ESR1: variants seen among roughly 807,000 people sequenced by gnomAD.
ESR1 encodes estrogen receptor.
A neutral mutation model predicts 52.7 loss-of-function variants in ESR1; 12 were observed. The ratio of observed to expected loss-of-function variants is 0.23; its 90% CI spans 0.15 to 0.37. The LOEUF (loss-of-function observed/expected upper bound fraction) is 0.37. Among genes scored for constraint, ESR1 ranks in the 10% least tolerant of loss-of-function variants. ESR1 has a pLI of 1.00. For synonymous variants in ESR1, 305 were observed against 316.8 expected (o/e 0.96, Z 0.39); for missense variants, 584 against 779.7 (o/e 0.75, Z 2.99).
intron 3 of ESR1, among the ~76,000 whole-genome samples, chr6:151,910,374 A>G (rs1167905368): frequency 2.0e-5 from 3 of 152,378 alleles, no homozygotes; most frequent in African/African-American, 7.2e-5. Context: ...ATTAACAATT[A>G]TAAATATATG....
chr6:151,946,156 A>T (rs1001491417), intron 4 of ESR1, among the ~76,000 whole-genome samples: 1 of 152,196 alleles, frequency 6.6e-6, no homozygotes, highest in Non-Finnish European at 1.5e-5. Flanking sequence ...TTCTTATATT[A>T]TAGGGAAAGA....
At chr6:151,990,648 C>CT (rs1459776813) in intron 4 of ESR1, among the ~76,000 whole-genome samples, 1 of 152,172 alleles carries the variant, frequency 6.6e-6, no homozygotes, top group Non-Finnish European at 1.5e-5. Context: ...AATGCAGCCT[C>CT]TGGATAAGAA....
rs545000767 is a variant in ESR1, at chr6:151,909,309, G to C, written c.760+28538G>C. On this transcript the variant is annotated intron_variant, in intron 3 of 7. Transcript: ENST00000206249. ...AGAGTAGAGATGTTTTAGTGAACTAGGCCATGACTTGGGGAGTCTCCACCT... is the reference window on the plus strand; with the variant it reads ...AGAGTAGAGATGTTTTAGTGAACTACGCCATGACTTGGGGAGTCTCCACCT... Among the ~76,000 whole-genome samples the C allele has an allele frequency of 1.4e-4, 21 of 152,326 alleles. 1 individual carries two copies. In the South Asian group the frequency reaches 3.9e-3, roughly 29 times the overall value.
intron 2 of ESR1, among the ~76,000 whole-genome samples, chr6:151,789,942 T>C (rs534486361): frequency 1.3e-5 from 2 of 152,174 alleles, no homozygotes; most frequent in Admixed American, 6.5e-5. Context: ...CTAAGGAACG[T>C]TGGCGTGAGT....
chr6:151,937,664 C>T (rs944069136), intron 3 of ESR1, among the ~76,000 whole-genome samples: 20 of 152,096 alleles, frequency 1.3e-4, no homozygotes, highest in African/African-American at 4.8e-5. Flanking sequence ...TTTATAGCTC[C>T]TTGACCTGAA....
intron 5 of ESR1, among the ~76,000 whole-genome samples, chr6:152,040,177 A>G (rs2045667558): frequency 6.6e-6 from 1 of 152,154 alleles, no homozygotes. Context: ...GCTGCTGGCA[A>G]ATTGGGCACT....
chr6:151,910,601 T>G lies in ESR1; in HGVS notation c.760+29830T>G, dbSNP rs114904552. Among the ~76,000 whole-genome samples, 1,422 of 152,254 alleles carry G rather than the reference T, an allele frequency of 9.3e-3. 21 individuals are homozygous for G. The highest frequency in any genetic ancestry group is 0.032 in the African/African-American group (1,321 of 41,548). ...TCCCTCTATAAAATGATGATGAAAA[T>G]TTTATCAGTATCTGTCTCAAGCTGT... On this transcript the variant is annotated intron_variant, in intron 3 of 7. Transcript: ENST00000206249.
At chr6:151,888,122 T>C (rs957793655) in intron 3 of ESR1, among the ~76,000 whole-genome samples, 4 of 152,182 alleles carry the variant, frequency 2.6e-5, no homozygotes, top group Non-Finnish European at 2.9e-5. Flanking sequence ...TTTGTTCTTC[T>C]AGCTCCAGAT....
At chr6:151,730,516 G>A (rs2128039079) in intron 2 of ESR1, among the ~76,000 whole-genome samples, 1 of 152,242 alleles carries the variant, frequency 6.6e-6, no homozygotes, top group Middle Eastern at 3.4e-3. Flanking sequence ...GCCAAAACCT[G>A]TCCCACCTCT....
intron 6 of ESR1, chr6:152,122,653 G>C: frequency 6.2e-7 from 1 of 1,614,028 alleles, no homozygotes. Flanking sequence ...AGAAAGGGAG[G>C]AATCGGAGCC....
intron 6 of ESR1, among the ~76,000 whole-genome samples, chr6:152,113,672 A>G (rs2051174069): frequency 6.6e-6 from 1 of 152,206 alleles, no homozygotes; most frequent in African/African-American, 2.4e-5. Context: ...CATAAAAAAG[A>G]TTAAAAACAA....
intron 3 of ESR1, among the ~76,000 whole-genome samples, chr6:151,932,737 C>T (rs1356342479): frequency 3.9e-5 from 6 of 152,074 alleles, no homozygotes; most frequent in East Asian, 3.9e-4. Context: ...TTGTTTTTCT[C>T]AGGTTTGTCA....
chr6:151,759,695 C>T (rs1040126100), intron 2 of ESR1, among the ~76,000 whole-genome samples: 1 of 152,268 alleles, frequency 6.6e-6, no homozygotes, highest in South Asian at 2.1e-4. Context: ...AAATCTTGGA[C>T]ACATTTTCAT....
At chr6:151,806,165 T>G (rs1777800365), upstream of ESR1, among the ~76,000 whole-genome samples, 1 of 152,256 alleles carries the variant, frequency 6.6e-6, no homozygotes, top group Non-Finnish European at 1.5e-5. Flanking sequence ...GCGATGCACC[T>G]AATGTGTTTT....
chr6:151,733,715 T>C (rs1164218652), intron 2 of ESR1, among the ~76,000 whole-genome samples: 1 of 152,212 alleles, frequency 6.6e-6, no homozygotes, highest in African/African-American at 2.4e-5. Context: ...ATATGCTTAA[T>C]TAAGAAAAAA....
intron 6 of ESR1, among the ~76,000 whole-genome samples, chr6:152,120,344 C>T (rs570733023): frequency 6.6e-6 from 1 of 152,210 alleles, no homozygotes; most frequent in South Asian, 2.1e-4. Flanking sequence ...GTGCAGGGCA[C>T]CCTTCAACGC....
chr6:151,985,900 C>A (rs746446566), intron 4 of ESR1, among the ~76,000 whole-genome samples: 3 of 152,056 alleles, frequency 2.0e-5, no homozygotes, highest in African/African-American at 7.3e-5. Context: ...AACTCCTGAC[C>A]TCAGGTGATC....
chr6:152,048,626 A>T (rs945066387), intron 5 of ESR1, among the ~76,000 whole-genome samples: 3 of 152,162 alleles, frequency 2.0e-5, no homozygotes, highest in Admixed American at 6.5e-5. Context: ...TTCAGCACTG[A>T]ACTCAGTGCC....
At chr6:151,848,028 T>G (rs11155817) in intron 2 of ESR1, among the ~76,000 whole-genome samples, 1 of 66,058 alleles carries the variant, frequency 1.5e-5, no homozygotes, top group Non-Finnish European at 3.2e-5. Flanking sequence ...CACATGCACA[T>G]GTATGTTTAT....
Sources: gnomAD v4.1 joint callset for allele counts (sites outside exome capture counted in the v4.1 genomes callset) on GRCh38, gnomAD v4.1.1 for gene constraint, MANE v1.5 for transcripts, NCBI Gene and HGNC (gene_info 2026-07-23, HGNC 2026-07-21) for gene names.